The following PRR16 variants were observed in gnomAD, a reference collection of about 807,000 sequenced individuals.
PRR16 encodes protein Largen.
PRR16 carries 6 observed loss-of-function variants against 18.2 expected under a neutral mutation model. The ratio of observed to expected loss-of-function variants is 0.33; its 90% CI spans 0.18 to 0.65. The LOEUF (loss-of-function observed/expected upper bound fraction) is 0.65, where lower values mean the gene tolerates loss of function less well. Among genes scored for constraint, PRR16 ranks in the 30% least tolerant of loss-of-function variants. The pLI, the probability that PRR16 is intolerant of heterozygous loss-of-function variation, is 0.74. For missense variants in PRR16, 412 were observed against 376.6 expected, an observed-to-expected ratio of 1.09 and a Z score of -0.78; for synonymous variants, 151 against 147.8, an observed-to-expected ratio of 1.02 and a Z score of -0.16.
chr5:120,593,226 T>C (rs978740292), intron 1 of PRR16, among the ~76,000 whole-genome samples: 1 of 151,832 alleles, frequency 6.6e-6, no homozygotes, highest in Non-Finnish European at 1.5e-5. Flanking sequence ...AAATCTAGAA[T>C]TGATTTTTTT....
At chr5:120,468,394 T>C (rs1315402664) in intron 1 of PRR16, among the ~76,000 whole-genome samples, 1 of 151,900 alleles carries the variant, frequency 6.6e-6, no homozygotes, top group Non-Finnish European at 1.5e-5. Context: ...GTAAATAGGG[T>C]TTTAAGAGGT....
At chr5:120,794,369 C>T in the PRR16 span, among the ~76,000 whole-genome samples, 22 of 152,156 alleles carry the variant, frequency 1.4e-4, no homozygotes, top group African/African-American at 3.6e-4. Context: ...GCATCATGTT[C>T]CAACAGCATG....
At chr5:120,657,364 T>C (rs1488533556) in intron 1 of PRR16, among the ~76,000 whole-genome samples, 2 of 152,030 alleles carry the variant, frequency 1.3e-5, no homozygotes, top group East Asian at 1.9e-4. Context: ...AGCCAGCTCA[T>C]AGGGGGCTTG....
chr5:120,758,747 G>A, the PRR16 span, among the ~76,000 whole-genome samples: 8 of 152,066 alleles, frequency 5.3e-5, no homozygotes, highest in African/African-American at 1.9e-4. Context: ...ATGCAGAACT[G>A]TGAGTCAATA....
At chr5:120,499,300 G>T (rs745456592) in intron 1 of PRR16, among the ~76,000 whole-genome samples, 4 of 151,636 alleles carry the variant, frequency 2.6e-5, no homozygotes, top group African/African-American at 9.7e-5. Context: ...TAGTAGAGAC[G>T]GGGTTTCTCC....
chr5:120,548,845 T>G (rs954721534), intron 1 of PRR16, among the ~76,000 whole-genome samples: 1 of 152,082 alleles, frequency 6.6e-6, no homozygotes, highest in Admixed American at 6.6e-5. Context: ...GTTTTTAGTA[T>G]GATTCCACAA....
intron 1 of PRR16, among the ~76,000 whole-genome samples, chr5:120,592,789 A>G (rs1753677432): frequency 6.6e-6 from 1 of 152,138 alleles, no homozygotes; most frequent in Non-Finnish European, 1.5e-5. Context: ...CATTATTAAC[A>G]TTTTATTGTC....
intron 1 of PRR16, among the ~76,000 whole-genome samples, chr5:120,630,259 C>T (rs1409477559): frequency 6.6e-6 from 1 of 151,944 alleles, no homozygotes; most frequent in African/African-American, 2.4e-5. Context: ...TGTTCACGTC[C>T]TTAGTCAATT....
chr5:120,515,248 G>C (rs1750950705), intron 1 of PRR16, among the ~76,000 whole-genome samples: 1 of 152,052 alleles, frequency 6.6e-6, no homozygotes, highest in African/African-American at 2.4e-5. Flanking sequence ...CCACCCCCAT[G>C]ATAATCACAT....
the PRR16 span, among the ~76,000 whole-genome samples, chr5:120,774,468 C>T: frequency 8.5e-5 from 13 of 152,182 alleles, no homozygotes; most frequent in Admixed American, 4.6e-4. Context: ...ACCTCTCAAA[C>T]GGGGGCAATT....
intron 1 of PRR16, among the ~76,000 whole-genome samples, chr5:120,526,137 C>G (rs967080744): frequency 6.6e-6 from 1 of 152,072 alleles, no homozygotes; most frequent in East Asian, 1.9e-4. Context: ...ACTGTATGAG[C>G]TGCAGAGTTG....
At chr5:120,746,275 G>A in the PRR16 span, among the ~76,000 whole-genome samples, 5 of 152,180 alleles carry the variant, frequency 3.3e-5, no homozygotes, top group East Asian at 9.7e-4. Context: ...ATGATACTGA[G>A]GGAAATGAGA....
At chr5:120,510,336 A>G (rs533953834) in intron 1 of PRR16, among the ~76,000 whole-genome samples, 1 of 152,206 alleles carries the variant, frequency 6.6e-6, no homozygotes, top group East Asian at 1.9e-4. Flanking sequence ...GGAGCTTGTT[A>G]ATGTATGTGA....
At chr5:120,473,595 T>G (rs77296532) in intron 1 of PRR16, among the ~76,000 whole-genome samples, 1,824 of 152,318 alleles carry the variant, frequency 0.012, 38 homozygotes, top group African/African-American at 0.042. Flanking sequence ...TGTATGTGTG[T>G]CTGTCATTAG....
the PRR16 span, among the ~76,000 whole-genome samples, chr5:120,760,210 G>C: frequency 6.6e-6 from 1 of 152,124 alleles, no homozygotes; most frequent in African/African-American, 2.4e-5. Context: ...AGATTAGTAA[G>C]AGGAGGATGG....
At chr5:120,746,747 T>C in the PRR16 span, among the ~76,000 whole-genome samples, 1 of 152,122 alleles carries the variant, frequency 6.6e-6, no homozygotes, top group East Asian at 1.9e-4. Flanking sequence ...GAGCCAGAGT[T>C]GAGAAACATT....
the PRR16 span, among the ~76,000 whole-genome samples, chr5:120,755,547 G>T: frequency 1.3e-5 from 2 of 152,002 alleles, no homozygotes; most frequent in African/African-American, 4.8e-5. Flanking sequence ...CCATGTTACT[G>T]CAAATAATAT....
chr5:120,527,979 T>G (rs772340308), intron 1 of PRR16, among the ~76,000 whole-genome samples: 115 of 152,330 alleles, frequency 7.5e-4, no homozygotes, highest in Non-Finnish European at 1.4e-3. Context: ...CCAGATTCCT[T>G]TCTTATAGTT....
chr5:120,776,324 T>A, the PRR16 span, among the ~76,000 whole-genome samples: 39 of 152,164 alleles, frequency 2.6e-4, no homozygotes, highest in Non-Finnish European at 5.3e-4. Context: ...TACTTTAACA[T>A]CTTTTCATCT....
Sources: allele counts gnomAD v4.1 joint callset (sites outside exome capture counted in the v4.1 genomes callset), GRCh38; gene constraint gnomAD v4.1.1; transcripts MANE v1.5; gene names NCBI Gene and HGNC (gene_info 2026-07-23, HGNC 2026-07-21).